GCLM: variants seen among roughly 807,000 people sequenced by gnomAD.
The protein encoded by GCLM is glutamate--cysteine ligase regulatory subunit.
GCLM carries 15 observed loss-of-function variants against 36.0 expected under a neutral mutation model. The ratio of observed to expected loss-of-function variants is 0.42; its 90% CI spans 0.28 to 0.64. The LOEUF is 0.64. Among genes scored for constraint, GCLM ranks in the 30% least tolerant of loss-of-function variants. The pLI is 0.25. For missense variants in GCLM, 242 were observed against 325.5 expected, an observed-to-expected ratio of 0.74 and a Z score of 1.97; for synonymous variants, 129 against 122.8, an observed-to-expected ratio of 1.05 and a Z score of -0.34.
rs186528287 is a variant in GCLM at position 93,903,455 on chromosome 1, C to G, written c.192+1068G>C. Among the ~76,000 whole-genome samples the G allele has an allele frequency of 4.2e-3, 629 of 149,314 alleles. 2 individuals are homozygous for G. The highest frequency in any genetic ancestry group is 0.015 in the African/African-American group (599 of 40,674). On this transcript the variant is annotated intron_variant, in intron 2 of 6. Coordinates refer to ENST00000370238, the MANE Select transcript of GCLM (RefSeq NM_002061.4). ...CCTCCCGAGTAGCTGGGATTACAGG[C>G]GGGTACCACCACGCCTGGCTTTTTT...
chr1:93,902,737 C>T (rs540067322), intron 2 of GCLM, among the ~76,000 whole-genome samples: 5 of 152,240 alleles, frequency 3.3e-5, no homozygotes, highest in Admixed American at 6.5e-5. Context: ...ATTTAGAAAA[C>T]CATATAATAA....
chr1:93,886,158 T>C lies in GCLM; in HGVS notation c.*2832A>G, dbSNP rs1656292630. The C allele has an allele frequency of 3.3e-5, 5 of 152,252 alleles. No homozygotes were observed. In the South Asian group the frequency reaches 1.0e-3, roughly 32 times the overall value. The allele number at this position is 152,252 out of a possible 1,614,324, so 9.4% of individuals were successfully genotyped here. A position where few individuals can be genotyped will look rare whatever the true frequency, so the allele number is the denominator to read the frequency against. On this transcript the variant is annotated 3_prime_UTR_variant, in exon 7 of 7. Coordinates refer to ENST00000370238, the MANE Select transcript of GCLM (RefSeq NM_002061.4). ...AGAACAAATTCCAAGTTACAGTACA[T>C]TGTGTTAAAGTAAGGCTCCACTGTA...
At chr1:93,897,589 T>G (rs967897367) in intron 4 of GCLM, among the ~76,000 whole-genome samples, 2 of 152,094 alleles carry the variant, frequency 1.3e-5, no homozygotes, top group African/African-American at 4.8e-5. Context: ...AATAAGAACT[T>G]CTATCTCCAA....
chr1:93,889,104 A>C lies in GCLM; in HGVS notation c.711T>G (p.Ile237Met). 1 of 1,601,482 alleles carries C rather than the reference A, an allele frequency of 6.2e-7. No individual in the cohort carries two copies. Among genetic ancestry groups the C allele is most frequent in the Non-Finnish European group, 8.5e-7 (1 of 1,174,234 alleles). The change falls in exon 7 of 7, where the codon ATT becomes ATG. Residue 237 changes from isoleucine to methionine, a missense_variant. By Grantham distance (10) the Ile-to-Met change is conservative. Transcript: ENST00000370238. ...ACAGCGGCACCCACTCGTGCGCTTG[A>C]ATGTCAGGAATGCTTTCCTGAAGAG... ...QEALQESIPDIQAHEWVPLWL... is the reference protein window; with the variant it reads ...QEALQESIPDMQAHEWVPLWL...
chr1:93,906,623 T>A (rs1418877064), intron 1 of GCLM, among the ~76,000 whole-genome samples: 2 of 152,350 alleles, frequency 1.3e-5, no homozygotes, highest in Non-Finnish European at 1.5e-5. Flanking sequence ...AGGAAATTCA[T>A]TGACTTTATC....
chr1:93,895,833 G>A (rs1656709041), intron 5 of GCLM, among the ~76,000 whole-genome samples: 1 of 152,060 alleles, frequency 6.6e-6, no homozygotes, highest in Admixed American at 6.6e-5. Context: ...TCCATATCAA[G>A]TTGTATGAAC....
intron 1 of GCLM, 131 bp downstream of exon 1, chr1:93,908,907 C>T (rs1657250278): frequency 7.4e-6 from 5 of 680,222 alleles, no homozygotes; most frequent in African/African-American, 3.8e-5. Flanking sequence ...CATCTGACCG[C>T]GGGCGGAGCC....
Position 93,888,376 on chromosome 1 carries a change from T to C in GCLM, c.*614A>G, listed in dbSNP as rs1217109492. ...TTATAAGTAATAAAAAGACAGAATA[T>C]GGCACAAGAATACAAGGTTAAATTA... On this transcript the variant is annotated 3_prime_UTR_variant, in exon 7 of 7. Coordinates refer to ENST00000370238, the MANE Select transcript of GCLM (RefSeq NM_002061.4). The C allele has an allele frequency of 1.3e-5, 2 of 152,166 alleles. No individual in the cohort carries two copies. Among genetic ancestry groups the C allele is most frequent in the South Asian group, 4.1e-4 (2 of 4,830 alleles). The allele number at this position is 152,166 out of a possible 1,614,324, so 9.4% of individuals were successfully genotyped here. A position where few individuals can be genotyped will look rare whatever the true frequency, so the allele number is the denominator to read the frequency against.
At chr1:93,902,479 G>GTT (rs77382543) in intron 2 of GCLM, among the ~76,000 whole-genome samples, 2 of 144,248 alleles carry the variant, frequency 1.4e-5, no homozygotes, top group Non-Finnish European at 1.5e-5. Context: ...CGCCCAGCCT[G>GTT]TTTTTTTTTT....
chr1:93,906,417 G>C (rs1299666867), intron 1 of GCLM, among the ~76,000 whole-genome samples: 4 of 152,164 alleles, frequency 2.6e-5, no homozygotes, highest in Non-Finnish European at 5.9e-5. Flanking sequence ...CAAATCGTGG[G>C]ATAATTCTAA....
intron 6 of GCLM, among the ~76,000 whole-genome samples, chr1:93,889,863 G>A (rs1321162619): frequency 6.7e-6 from 1 of 150,144 alleles, no homozygotes; most frequent in Non-Finnish European, 1.5e-5. Flanking sequence ...CTAATATTTT[G>A]CTAATAAGAA....
chr1:93,909,327 G>A lies in GCLM; in HGVS notation c.-164C>T. On this transcript the variant is annotated 5_prime_UTR_variant, in exon 1 of 7. Coordinates refer to ENST00000370238, the MANE Select transcript of GCLM (RefSeq NM_002061.4). ...GAGCCTGGTCTGCGCTCGGGCCCGA[G>A]GGAGGCCGGACGGCGGCTGGGCGGC... 9.7e-7 allele frequency: 1 copy of A among 1,035,642 alleles called. No individual in the cohort carries two copies. The highest frequency in any genetic ancestry group is 1.2e-6 in the Non-Finnish European group (1 of 863,998). The allele number at this position is 1,035,642 out of a possible 1,614,324, so 64.2% of individuals were successfully genotyped here.
rs529996540 is a variant in GCLM, at chr1:93,909,254, C to G, written c.-91G>C. 2.4e-3 allele frequency: 2,619 copies of G among 1,088,252 alleles called. 57 individuals are homozygous for G. The African/African-American group carries it at 0.038, about 16-fold the overall frequency. The allele number at this position is 1,088,252 out of a possible 1,614,324, so 67.4% of individuals were successfully genotyped here. ...CCCACAGGACGCGGTGCCCGAGGCC[C>G]GAGAGAGACCCGAGAGGGAGCGCGA... On this transcript the variant is annotated 5_prime_UTR_variant, in exon 1 of 7. Coordinates refer to ENST00000370238, the MANE Select transcript of GCLM (RefSeq NM_002061.4).
rs923477957 is a variant in GCLM at position 93,887,119 on chromosome 1, A to T, written c.*1871T>A. 6.7e-6 allele frequency: 1 copy of T among 148,438 alleles called. No homozygotes were observed. Among genetic ancestry groups the T allele is most frequent in the Non-Finnish European group, 1.5e-5 (1 of 67,256 alleles). The allele number at this position is 148,438 out of a possible 1,614,324, so 9.2% of individuals were successfully genotyped here. On this transcript the variant is annotated 3_prime_UTR_variant, in exon 7 of 7. Transcript: ENST00000370238. ...CAAGCGATTCTCGTGCCTCGCCTCC[A>T]AAGTAGCTGGGATTACAGGAGCCCG...
In GCLM at chr1:93,886,619, T is replaced by G. The variant is rs1180655721; in HGVS notation, c.*2371A>C. The G allele has an allele frequency of 6.6e-6, 1 of 152,164 alleles. No homozygotes were observed. Among genetic ancestry groups the G allele is most frequent in the Non-Finnish European group, 1.5e-5 (1 of 68,026 alleles). The allele number at this position is 152,164 out of a possible 1,614,324, so 9.4% of individuals were successfully genotyped here. A position where few individuals can be genotyped will look rare whatever the true frequency, so the allele number is the denominator to read the frequency against. ...ATAGTCTTGCTTCTTTGTCAAGAGT[T>G]GAGGGTGCAGGTAGGAGATCACCAA... On this transcript the variant is annotated 3_prime_UTR_variant, in exon 7 of 7. Transcript: ENST00000370238.
rs58007552 is a variant in GCLM, at chr1:93,898,303, G to GAAAAAAAAAAAAAAAAAAAAA, written c.278-426_278-406dup. 1.8e-3 allele frequency among the ~76,000 whole-genome samples: 30 copies of GAAAAAAAAAAAAAAAAAAAAA among 16,430 alleles called. 12 individuals carry two copies. Among genetic ancestry groups the GAAAAAAAAAAAAAAAAAAAAA allele is most frequent in the Non-Finnish European group, 2.2e-3 (19 of 8,498 alleles). The allele number at this position is 16,430 out of a possible 152,430, so 10.8% of individuals were successfully genotyped here. A position where few individuals can be genotyped will look rare whatever the true frequency, so the allele number is the denominator to read the frequency against. On this transcript the variant is annotated intron_variant, in intron 3 of 6. Transcript: ENST00000370238. The stretch of plus-strand genomic sequence containing the variant: ...TTGAAAATGTAATGAGAAGAAAACT[G>GAAAAAAAAAAAAAAAAAAAAA]AAAAAAAAAAAAAAAAAAAAAAAAA...
intron 6 of GCLM, among the ~76,000 whole-genome samples, chr1:93,893,731 A>T (rs1196011521): frequency 1.3e-5 from 2 of 152,174 alleles, no homozygotes; most frequent in Non-Finnish European, 2.9e-5. Flanking sequence ...TCTCTGAAAC[A>T]TTTATCTTTG....
chr1:93,907,175 T>A (rs1395057028), intron 1 of GCLM, among the ~76,000 whole-genome samples: 1 of 152,190 alleles, frequency 6.6e-6, no homozygotes, highest in Non-Finnish European at 1.5e-5. Flanking sequence ...AGAAACAAAA[T>A]GTGCCTCCCC....
chr1:93,909,050 C>A lies in GCLM; in HGVS notation c.114G>T (p.Thr38=). 1.4e-6 allele frequency: 2 copies of A among 1,471,988 alleles called. No individual in the cohort carries two copies. The highest frequency in any genetic ancestry group is 1.5e-5 in the African/African-American group (1 of 68,260). The allele number at this position is 1,471,988 out of a possible 1,614,324, so 91.2% of individuals were successfully genotyped here. The change falls in exon 1 of 7, where the codon ACG becomes ACT. Residue 38 remains threonine, a synonymous_variant. Coordinates refer to ENST00000370238, the MANE Select transcript of GCLM (RefSeq NM_002061.4). ...TCGCCACGCTCACCTCCTCGCTGTG[C>A]GTGGACGGGCACTTCTTCCGCAGGC... ...WGRLRKKCPS[T]HSEELHDCIQ... is the part of the protein sequence containing the mutation.
Sources: allele counts gnomAD v4.1 joint callset (sites outside exome capture counted in the v4.1 genomes callset), GRCh38; gene constraint gnomAD v4.1.1; transcripts MANE v1.5; gene names NCBI Gene and HGNC (gene_info 2026-07-23, HGNC 2026-07-21).